KCNH7: variants seen among roughly 807,000 people sequenced by gnomAD.
KCNH7 encodes the protein potassium voltage-gated channel subfamily H member 7.
KCNH7 carries 49 observed loss-of-function variants against 120.8 expected under a neutral mutation model. The observed-to-expected ratio is 0.41, with a 90% CI of 0.32 to 0.51. The LOEUF is 0.51. Ranked by LOEUF, KCNH7 falls within the 20% of genes least tolerant of loss-of-function variation. KCNH7 has a pLI of 0.38. For missense variants in KCNH7, 1,097 were observed against 1,446.6 expected, an observed-to-expected ratio of 0.76 and a Z score of 3.92; for synonymous variants, 547 against 516.1, an observed-to-expected ratio of 1.06 and a Z score of -0.81.
At position 162,838,537 on chromosome 2, in the gene KCNH7, AGGAGCGCTCCCCC is replaced by A. The variant is rs1275763062; in HGVS notation, c.-32_-20del. The A allele has an allele frequency of 4.4e-6, 7 of 1,604,308 alleles. No homozygotes were observed. In the African/African-American group the frequency reaches 9.4e-5, roughly 21 times the overall value. Reference sequence around the variant, plus strand: ...CAGGCATGTTGGCCCCGGTCTTCCGAGGAGCGCTCCCCCGGAGCTCTGGAGTTCTCCCGGGATC... The same window carrying A: ...CAGGCATGTTGGCCCCGGTCTTCCGAGGAGCTCTGGAGTTCTCCCGGGATC... On this transcript the variant is annotated 5_prime_UTR_variant, in exon 1 of 16. Transcript: ENST00000332142.
In KCNH7 at chr2:162,619,473, G is replaced by A. The variant is rs200057184; in HGVS notation, c.308-82393C>T. Among the ~76,000 whole-genome samples the A allele has an allele frequency of 5.5e-5, 8 of 145,276 alleles. No individual in the cohort carries two copies. The South Asian group carries it at 1.5e-3, about 28-fold the overall frequency. ...ACACTCAATTGTTAAAAAAAAAAAA[G>A]AAAAAAGCCAAATCCCTTTCCTAGT... On this transcript the variant is annotated intron_variant, in intron 2 of 15. Coordinates refer to ENST00000332142, the MANE Select transcript of KCNH7 (RefSeq NM_033272.4).
chr2:162,467,647 G>C (rs1343372001), intron 6 of KCNH7, among the ~76,000 whole-genome samples: 1 of 152,294 alleles, frequency 6.6e-6, no homozygotes, highest in East Asian at 1.9e-4. Context: ...AATTAACTAG[G>C]CTCAGACATT....
chr2:162,608,835 G>A (rs1399021832), intron 2 of KCNH7, among the ~76,000 whole-genome samples: 1 of 152,166 alleles, frequency 6.6e-6, no homozygotes, highest in Non-Finnish European at 1.5e-5. Flanking sequence ...CACTTGAACT[G>A]TACATTACTG....
At chr2:162,598,737 T>C (rs1398523693) in intron 2 of KCNH7, among the ~76,000 whole-genome samples, 1 of 152,132 alleles carries the variant, frequency 6.6e-6, no homozygotes, top group Non-Finnish European at 1.5e-5. Context: ...GCATTAAAGT[T>C]TCATATATAG....
At chr2:162,429,789 G>C (rs1179568708) in intron 8 of KCNH7, among the ~76,000 whole-genome samples, 1 of 150,344 alleles carries the variant, frequency 6.7e-6, no homozygotes, top group African/African-American at 2.5e-5. Context: ...TGGACTTCTT[G>C]GATATGTGGT....
chr2:162,432,718 A>G (rs1688110886), intron 8 of KCNH7, among the ~76,000 whole-genome samples: 1 of 152,064 alleles, frequency 6.6e-6, no homozygotes, highest in African/African-American at 2.4e-5. Context: ...ATGAATGGGA[A>G]AAAACTGGAA....
chr2:162,792,487 G>A (rs1040390012), intron 2 of KCNH7, among the ~76,000 whole-genome samples: 13 of 151,828 alleles, frequency 8.6e-5, no homozygotes, highest in African/African-American at 9.7e-5. Flanking sequence ...TCAGGGATTC[G>A]AATTCTTCCT....
chr2:162,636,860 A>C (rs1683979198), intron 2 of KCNH7, among the ~76,000 whole-genome samples: 1 of 152,066 alleles, frequency 6.6e-6, no homozygotes, highest in Non-Finnish European at 1.5e-5. Context: ...TTACTGAGTA[A>C]TAGATCTTGC....
chr2:162,576,066 A>C (rs1271308666), intron 2 of KCNH7, among the ~76,000 whole-genome samples: 1 of 152,040 alleles, frequency 6.6e-6, no homozygotes, highest in African/African-American at 2.4e-5. Context: ...TGAATTTGGC[A>C]AAAGTGCATT....
Position 162,543,822 on chromosome 2 carries a change from G to A in KCNH7, c.308-6742C>T, listed in dbSNP as rs545116319. ...GGGAAGGTCAAATCAGATAATACAC[G>A]TAAAGTAGTTAGCAAGGAGCCTGGC... On this transcript the variant is annotated intron_variant, in intron 2 of 15. Transcript: ENST00000332142. Among the ~76,000 whole-genome samples, 14 of 152,206 alleles carry A rather than the reference G, an allele frequency of 9.2e-5. No individual in the cohort carries two copies. In the East Asian group the frequency reaches 1.4e-3, roughly 15 times the overall value.
intron 8 of KCNH7, among the ~76,000 whole-genome samples, chr2:162,430,306 G>T (rs1688021456): frequency 6.6e-6 from 1 of 151,984 alleles, no homozygotes; most frequent in Non-Finnish European, 1.5e-5. Flanking sequence ...GAATTTCTTT[G>T]CTGGGTTTTT....
At chr2:162,752,903 A>AAAAAAGAAAAGAAATGAAAAG (rs1688612139) in intron 2 of KCNH7, among the ~76,000 whole-genome samples, 3 of 32,026 alleles carry the variant, frequency 9.4e-5, no homozygotes, top group Non-Finnish European at 5.6e-4. Context: ...TACATCTCAG[A>AAAAAAGAAAAGAAATGAAAAG]AAAAGAAAAG....
intron 2 of KCNH7, among the ~76,000 whole-genome samples, chr2:162,738,761 G>C (rs900090027): frequency 1.3e-5 from 2 of 152,172 alleles, no homozygotes; most frequent in African/African-American, 4.8e-5. Flanking sequence ...CTCCTTGGAG[G>C]ATAACTAAAA....
intron 2 of KCNH7, among the ~76,000 whole-genome samples, chr2:162,828,396 A>G (rs1357960986): frequency 6.6e-6 from 1 of 152,106 alleles, no homozygotes; most frequent in African/African-American, 2.4e-5. Flanking sequence ...TTCACTAAAT[A>G]TAAGTAAGAA....
chr2:162,664,637 T>C (rs1203015329), intron 2 of KCNH7, among the ~76,000 whole-genome samples: 1 of 152,174 alleles, frequency 6.6e-6, no homozygotes, highest in Admixed American at 6.5e-5. Flanking sequence ...AATTGAAATA[T>C]CGTAGATTAC....
intron 2 of KCNH7, among the ~76,000 whole-genome samples, chr2:162,572,917 G>A (rs369934191): frequency 8.5e-5 from 13 of 152,156 alleles, no homozygotes; most frequent in Non-Finnish European, 1.9e-4. Flanking sequence ...GAAGGGCGGA[G>A]GGATAGCATT....
intron 2 of KCNH7, among the ~76,000 whole-genome samples, chr2:162,798,187 G>A (rs1392338744): frequency 2.6e-5 from 4 of 151,954 alleles, no homozygotes; most frequent in Non-Finnish European, 5.9e-5. Flanking sequence ...GTTTTCCTTA[G>A]TAGAAGCATC....
At chr2:162,423,576 A>G in intron 8 of KCNH7, 41 bp from the exon 9 acceptor site, 3 of 1,557,180 alleles carry the variant, frequency 1.9e-6, no homozygotes, top group South Asian at 2.3e-5. Context: ...GAAACTGCAC[A>G]TAGGTGTGTT....
intron 2 of KCNH7, among the ~76,000 whole-genome samples, chr2:162,779,193 T>TTTTG (rs968328897): frequency 5.9e-5 from 9 of 152,008 alleles, no homozygotes; most frequent in African/African-American, 1.4e-4. Flanking sequence ...TTTTTGTTTT[T>TTTTG]TTTGTTTGTT....
Sources: gnomAD v4.1 joint callset for allele counts (sites outside exome capture counted in the v4.1 genomes callset) on GRCh38, gnomAD v4.1.1 for gene constraint, MANE v1.5 for transcripts, NCBI Gene and HGNC (gene_info 2026-07-23, HGNC 2026-07-21) for gene names.